ITK: variants seen among roughly 807,000 people sequenced by gnomAD.
The protein encoded by ITK is IL2 inducible T cell kinase.
In ITK, 45 loss-of-function variants were observed where a neutral mutation model predicts 87.6. That is an observed-to-expected ratio of 0.51 (90% confidence interval 0.40 to 0.66). ITK has a LOEUF of 0.66. Ranked by LOEUF, ITK falls within the 30% of genes least tolerant of loss-of-function variation. The pLI is 0.00. For synonymous variants in ITK, 303 were observed against 273.6 expected (o/e 1.11, Z -1.06); for missense variants, 605 against 766.3 (o/e 0.79, Z 2.48).
intron 1 of ITK, among the ~76,000 whole-genome samples, chr5:157,201,899 T>G (rs1753983652): frequency 6.6e-6 from 1 of 152,216 alleles, no homozygotes. Flanking sequence ...ATAGGTAAAT[T>G]GCATGTTGCA....
chr5:157,190,010 C>T (rs1198245072), intron 1 of ITK, among the ~76,000 whole-genome samples: 1 of 152,166 alleles, frequency 6.6e-6, no homozygotes, highest in African/African-American at 2.4e-5. Flanking sequence ...AAGGAGAAAA[C>T]AGGTCTGTAA....
At chr5:157,243,171 T>C (rs2113774151) in intron 11 of ITK, among the ~76,000 whole-genome samples, 1 of 152,372 alleles carries the variant, frequency 6.6e-6, no homozygotes, top group Non-Finnish European at 1.5e-5. Flanking sequence ...TGTGCTAGCT[T>C]GTGCCTCTGC....
Position 157,248,955 on chromosome 5 carries a change from C to T in ITK, c.1739C>T (p.Pro580Leu). The change falls in exon 16 of 17, where the codon CCC becomes CTC. Residue 580 changes from proline (P) to leucine (L), a missense_variant. Physicochemically the swap from Pro to Leu is moderately conservative, Grantham distance 98. Coordinates refer to ENST00000422843, the MANE Select transcript of ITK (RefSeq NM_005546.4). ...DISTGFRLYKPRLASTHVYQI... is the reference protein window; with the variant it reads ...DISTGFRLYKLRLASTHVYQI... ...AGTACCGGATTTCGGTTGTACAAGCCCCGGCTGGCCTCCACACACGTCTAC... is the reference window on the plus strand; with the variant it reads ...AGTACCGGATTTCGGTTGTACAAGCTCCGGCTGGCCTCCACACACGTCTAC... 1 of 1,613,862 alleles carries T rather than the reference C, an allele frequency of 6.2e-7. No homozygotes were observed. Among genetic ancestry groups the T allele is most frequent in the South Asian group, 1.1e-5 (1 of 91,070 alleles).
chr5:157,205,811 G>A (rs1032757756), intron 1 of ITK, among the ~76,000 whole-genome samples: 3 of 152,096 alleles, frequency 2.0e-5, no homozygotes, highest in Admixed American at 6.6e-5. Flanking sequence ...TTTTTAACAT[G>A]AAGCAATGTT....
chr5:157,221,026 CT>C (rs1317373317), intron 5 of ITK, among the ~76,000 whole-genome samples: 1 of 151,970 alleles, frequency 6.6e-6, no homozygotes, highest in Non-Finnish European at 1.5e-5. Context: ...ACCTGGCTAA[CT>C]TTTGTATTAA....
chr5:157,182,933 G>C (rs1753566706), intron 1 of ITK, among the ~76,000 whole-genome samples: 1 of 152,126 alleles, frequency 6.6e-6, no homozygotes, highest in African/African-American at 2.4e-5. Context: ...AGACAAGGTT[G>C]TAAAATCACC....
chr5:157,186,609 G>A (rs1218591236), intron 1 of ITK, among the ~76,000 whole-genome samples: 7 of 152,064 alleles, frequency 4.6e-5, no homozygotes, highest in African/African-American at 1.2e-4. Context: ...CCAGGAGGCA[G>A]AGGTTGCAGA....
chr5:157,214,488 C>T (rs1159363265), intron 4 of ITK, among the ~76,000 whole-genome samples, 169 bp downstream of exon 4: 1 of 152,202 alleles, frequency 6.6e-6, no homozygotes, highest in Non-Finnish European at 1.5e-5. Context: ...GTGCTTCCAT[C>T]TCAAAGCTGA....
chr5:157,207,372 C>T (rs753825382), intron 1 of ITK, among the ~76,000 whole-genome samples: 7 of 126,398 alleles, frequency 5.5e-5, no homozygotes, highest in Non-Finnish European at 1.1e-4. Context: ...TATCTAGATA[C>T]GTCTCTTTTT....
chr5:157,232,496 C>A (rs1348808878), intron 8 of ITK, 102 bp downstream of exon 8: 1 of 745,242 alleles, frequency 1.3e-6, no homozygotes, highest in African/African-American at 1.7e-5. Context: ...GTGGGAGGAT[C>A]ACTTGAGCCC....
At chr5:157,246,039 C>T (rs377553933) in intron 15 of ITK, 40 bp downstream of exon 15, 3 of 1,357,404 alleles carry the variant, frequency 2.2e-6, no homozygotes, top group Non-Finnish European at 1.1e-6. Flanking sequence ...ATGATCTGGG[C>T]TTCAGGCCAG....
At chr5:157,243,874 A>G (rs1437834267) in intron 12 of ITK, 80 bp downstream of exon 12, 17 of 1,326,412 alleles carry the variant, frequency 1.3e-5, no homozygotes, top group Non-Finnish European at 1.7e-5. Context: ...TTCAAACGCC[A>G]GGGGGTACTA....
chr5:157,209,191 G>A (rs551355810), intron 2 of ITK, among the ~76,000 whole-genome samples, 198 bp downstream of exon 2: 12 of 152,210 alleles, frequency 7.9e-5, no homozygotes, highest in East Asian at 7.7e-4. Flanking sequence ...AATTAGCTGG[G>A]CGTACTGGCG....
chr5:157,189,741 A>G (rs1753715765), intron 1 of ITK, among the ~76,000 whole-genome samples: 1 of 152,244 alleles, frequency 6.6e-6, no homozygotes, highest in Non-Finnish European at 1.5e-5. Context: ...CTCCATGTAA[A>G]ACAAGACATG....
intron 10 of ITK, 81 bp from the exon 11 acceptor site, chr5:157,241,565 T>C: frequency 2.1e-6 from 2 of 960,242 alleles, no homozygotes; most frequent in East Asian, 4.8e-5. Flanking sequence ...ATGATGATTA[T>C]TATTTTTTTT....
chr5:157,213,424 C>T (rs1754232811), intron 3 of ITK: 1 of 349,446 alleles, frequency 2.9e-6, no homozygotes, highest in Non-Finnish European at 5.6e-6. Flanking sequence ...GTTACCCAGG[C>T]TGGAGTGCAG....
At chr5:157,245,557 A>G (rs1755003900) in intron 13 of ITK, 169 bp from the exon 14 acceptor site, 1 of 681,070 alleles carries the variant, frequency 1.5e-6, no homozygotes. Flanking sequence ...TTTCCAGTTA[A>G]CTTCCAGCGG....
chr5:157,229,281 T>C (rs369381494), intron 7 of ITK, among the ~76,000 whole-genome samples: 276 of 152,300 alleles, frequency 1.8e-3, no homozygotes, highest in Middle Eastern at 6.8e-3. Flanking sequence ...CATATTTACA[T>C]AGTCTCAAAG....
intron 8 of ITK, among the ~76,000 whole-genome samples, chr5:157,235,721 A>G (rs1287536421): frequency 6.6e-6 from 1 of 152,240 alleles, no homozygotes; most frequent in Non-Finnish European, 1.5e-5. Context: ...GACACTCTTA[A>G]AGTATAATGC....
Sources: allele counts gnomAD v4.1 joint callset (sites outside exome capture counted in the v4.1 genomes callset), GRCh38; gene constraint gnomAD v4.1.1; transcripts MANE v1.5; gene names NCBI Gene and HGNC (gene_info 2026-07-23, HGNC 2026-07-21).